Variants in PARD3 observed in about 807,000 individuals in gnomAD.
PARD3 encodes the protein par-3 family cell polarity regulator, also known as partitioning defective 3 homolog.
In PARD3, 75 loss-of-function variants were observed where a neutral mutation model predicts 155.4. The ratio of observed to expected loss-of-function variants is 0.48; its 90% CI spans 0.40 to 0.58. The LOEUF (loss-of-function observed/expected upper bound fraction) is 0.58. PARD3 is among the 20% of genes least tolerant of loss of function. PARD3 has a pLI of 0.00. For synonymous variants in PARD3, 576 were observed against 610.5 expected (o/e 0.94, Z 0.83); for missense variants, 1,642 against 1,721.7 (o/e 0.95, Z 0.82).
chr10:34,739,346 T>G (rs553595002), intron 1 of PARD3, among the ~76,000 whole-genome samples: 1 of 152,322 alleles, frequency 6.6e-6, no homozygotes, highest in East Asian at 1.9e-4. Context: ...AATCTAAAGT[T>G]ATTTTAAAAT....
At chr10:34,145,445 A>T in intron 22 of PARD3, among the ~76,000 whole-genome samples, 1 of 150,228 alleles carries the variant, frequency 6.7e-6, no homozygotes. Context: ...TAAATATTGG[A>T]CCTCCCAGAA....
intron 1 of PARD3, among the ~76,000 whole-genome samples, chr10:34,713,868 C>A (rs1250384144): frequency 6.6e-6 from 1 of 152,070 alleles, no homozygotes; most frequent in East Asian, 1.9e-4. Flanking sequence ...GGAGAGGTTA[C>A]CTCCTCTGAG....
At chr10:34,493,565 C>T (rs2080059912) in intron 3 of PARD3, among the ~76,000 whole-genome samples, 1 of 152,004 alleles carries the variant, frequency 6.6e-6, no homozygotes, top group African/African-American at 2.4e-5. Context: ...AACCCCATCT[C>T]TATTAAAAAT....
chr10:34,514,110 G>A (rs1451569195), intron 3 of PARD3, among the ~76,000 whole-genome samples: 1 of 151,788 alleles, frequency 6.6e-6, no homozygotes, highest in Non-Finnish European at 1.5e-5. Context: ...CCCAAACTTC[G>A]TATCCATTTT....
intron 5 of PARD3, among the ~76,000 whole-genome samples, chr10:34,448,134 C>CGTGTGTGTGTGTGT (rs35325584): frequency 4.3e-4 from 64 of 147,144 alleles, no homozygotes; most frequent in African/African-American, 1.5e-3. Context: ...ATATACACTG[C>CGTGTGTGTGTGTGT]GTGTGTGTGT....
At chr10:34,612,791 T>C (rs971321772) in intron 2 of PARD3, among the ~76,000 whole-genome samples, 8 of 152,238 alleles carry the variant, frequency 5.3e-5, no homozygotes, top group Non-Finnish European at 8.8e-5. Context: ...GATATCATTA[T>C]TCTCATTTTG....
intron 1 of PARD3, among the ~76,000 whole-genome samples, chr10:34,713,363 T>C (rs2094474214): frequency 6.6e-6 from 1 of 152,130 alleles, no homozygotes; most frequent in Admixed American, 6.5e-5. Context: ...CTAATTTCAC[T>C]ATGAAGAAGT....
Position 34,112,801 on chromosome 10 carries a change from T to C in PARD3, c.3669-1239A>G, listed in dbSNP as rs1340714517. Among the ~76,000 whole-genome samples the C allele has an allele frequency of 2.6e-5, 4 of 152,322 alleles. No individual in the cohort carries two copies. In the East Asian group the frequency reaches 5.8e-4, roughly 22 times the overall value. ...ATTTTCCATATGGCCTAAAATGTAG[T>C]TGGGAACATTTTCAGTAAAGAAAAT... On this transcript the variant is annotated intron_variant, in intron 24 of 24. Transcript: ENST00000374788.
intron 1 of PARD3, among the ~76,000 whole-genome samples, chr10:34,723,416 C>T (rs2094641120): frequency 6.6e-6 from 1 of 152,176 alleles, no homozygotes; most frequent in African/African-American, 2.4e-5. Context: ...CAGAGAGACA[C>T]ACAGAAGCAA....
intron 22 of PARD3, among the ~76,000 whole-genome samples, chr10:34,249,529 C>T (rs1954163989): frequency 6.6e-6 from 1 of 152,184 alleles, no homozygotes; most frequent in African/African-American, 2.4e-5. Context: ...TCATTGCCAG[C>T]ATCAGCCAGT....
At chr10:34,798,347 GAAGGAGAAGGAGA>G (rs1189299420) in intron 1 of PARD3, among the ~76,000 whole-genome samples, 1 of 151,458 alleles carries the variant, frequency 6.6e-6, no homozygotes, top group African/African-American at 2.4e-5. Flanking sequence ...TGAAGAAGGA[GAAGGAGAAGGAGA>G]AAGGAGAAGA....
At chr10:34,174,670 T>G (rs1164825731) in intron 22 of PARD3, among the ~76,000 whole-genome samples, 1 of 152,210 alleles carries the variant, frequency 6.6e-6, no homozygotes, top group Non-Finnish European at 1.5e-5. Context: ...ATGATAATTT[T>G]TCAAACAATA....
intron 2 of PARD3, among the ~76,000 whole-genome samples, chr10:34,553,370 A>G (rs1001989671): frequency 2.0e-5 from 3 of 152,222 alleles, no homozygotes; most frequent in African/African-American, 7.2e-5. Context: ...ATTGCCAGCA[A>G]TGTTTTAGAT....
chr10:34,439,697 T>G (rs1195704095), intron 5 of PARD3, among the ~76,000 whole-genome samples: 3 of 151,896 alleles, frequency 2.0e-5, no homozygotes, highest in Non-Finnish European at 4.4e-5. Context: ...CCTCAAGTAA[T>G]CCACCTGCCT....
chr10:34,808,272 C>A (rs1843652250), intron 1 of PARD3, among the ~76,000 whole-genome samples: 2 of 151,990 alleles, frequency 1.3e-5, no homozygotes, highest in South Asian at 4.2e-4. Context: ...AGAGATCACG[C>A]CACTTCACTC....
intron 1 of PARD3, among the ~76,000 whole-genome samples, chr10:34,738,510 C>T (rs549824550): frequency 1.1e-5 from 1 of 92,960 alleles, no homozygotes; most frequent in Non-Finnish European, 2.7e-5. Context: ...AGCTCCACAG[C>T]ACATCACTAC....
chr10:34,795,513 G>A (rs1032842765), intron 1 of PARD3, among the ~76,000 whole-genome samples: 1 of 152,064 alleles, frequency 6.6e-6, no homozygotes, highest in African/African-American at 2.4e-5. Flanking sequence ...GGGAGGCTGA[G>A]AGGTGGGAGA....
At chr10:34,725,607 G>A (rs987911729) in intron 1 of PARD3, among the ~76,000 whole-genome samples, 5 of 152,154 alleles carry the variant, frequency 3.3e-5, no homozygotes, top group African/African-American at 9.7e-5. Flanking sequence ...CTACCCTTGG[G>A]GGGGCACAAT....
chr10:34,291,504 C>A (rs183990351), intron 20 of PARD3, among the ~76,000 whole-genome samples: 1 of 152,150 alleles, frequency 6.6e-6, no homozygotes, highest in Non-Finnish European at 1.5e-5. Flanking sequence ...TTATTATGTG[C>A]TTTTATCTCA....
Sources: gnomAD v4.1 joint callset for allele counts (sites outside exome capture counted in the v4.1 genomes callset) on GRCh38, gnomAD v4.1.1 for gene constraint, MANE v1.5 for transcripts, NCBI Gene and HGNC (gene_info 2026-07-23, HGNC 2026-07-21) for gene names.